Variants in SPATS2 observed in about 807,000 individuals in gnomAD.
SPATS2 encodes the protein spermatogenesis associated serine rich 2, also known as spermatogenesis-associated serine-rich protein 2.
In SPATS2, 38 loss-of-function variants were observed where a neutral mutation model predicts 63.7. That is an observed-to-expected ratio of 0.60 (90% CI 0.46 to 0.78). The LOEUF is 0.78. Among genes scored for constraint, SPATS2 ranks in the 30% least tolerant of loss-of-function variants. The probability of loss-of-function intolerance (pLI) is 0.00; values close to 1 mark genes in which losing one functional copy is unlikely to be tolerated. For synonymous variants in SPATS2, 207 were observed against 232.9 expected, an observed-to-expected ratio of 0.89 and a Z score of 1.01; for missense variants, 588 against 666.2, an observed-to-expected ratio of 0.88 and a Z score of 1.29.
intron 2 of SPATS2, among the ~76,000 whole-genome samples, chr12:49,417,973 C>T (rs763369371): frequency 1.3e-5 from 2 of 152,144 alleles, no homozygotes; most frequent in East Asian, 1.9e-4. Context: ...CTCCACCTCC[C>T]GGCTTATGCC....
intron 9 of SPATS2, 100 bp downstream of exon 9, chr12:49,500,305 A>G: frequency 7.8e-7 from 1 of 1,289,342 alleles, no homozygotes; most frequent in Non-Finnish European, 1.1e-6. Flanking sequence ...ATGACTAACT[A>G]CATAGTAGGA....
chr12:49,487,174 C>T (rs142526422), intron 4 of SPATS2, among the ~76,000 whole-genome samples: 357 of 152,180 alleles, frequency 2.3e-3, no homozygotes, highest in South Asian at 0.012. Flanking sequence ...TAAACCCACA[C>T]AGTAAGAATA....
rs1945809218 is a variant in SPATS2 at position 49,460,834 on chromosome 12, G to A, written c.-179G>A. The A allele has an allele frequency of 1.6e-6, 1 of 639,174 alleles. No individual in the cohort carries two copies. Among genetic ancestry groups the A allele is most frequent in the Non-Finnish European group, 2.8e-6 (1 of 353,916 alleles). The allele number at this position is 639,174 out of a possible 1,614,324, so 39.6% of individuals were successfully genotyped here. ...ACTTCCTGACAAGAAGTTGATACAAGAAAAGGAAAGGAGATTAACAGCTAG... is the reference window on the plus strand; with the variant it reads ...ACTTCCTGACAAGAAGTTGATACAAAAAAAGGAAAGGAGATTAACAGCTAG... On this transcript the variant is annotated 5_prime_UTR_variant, in exon 3 of 14. Coordinates refer to ENST00000552918, the MANE Select transcript of SPATS2 (RefSeq NM_023071.4).
chr12:49,517,519 A>C (rs1037507515), intron 10 of SPATS2, among the ~76,000 whole-genome samples: 2 of 152,200 alleles, frequency 1.3e-5, no homozygotes, highest in African/African-American at 4.8e-5. Context: ...GCCTAAATAA[A>C]TGTGAGTGTC....
At chr12:49,435,638 C>CTTTT (rs34420984) in intron 2 of SPATS2, among the ~76,000 whole-genome samples, 1 of 96,026 alleles carries the variant, frequency 1.0e-5, no homozygotes, top group African/African-American at 3.3e-5. Context: ...TGAATGGTTT[C>CTTTT]TTTTTTTTTT....
intron 3 of SPATS2, among the ~76,000 whole-genome samples, chr12:49,483,294 C>G (rs1946236949): frequency 6.6e-6 from 1 of 151,446 alleles, no homozygotes; most frequent in Non-Finnish European, 1.5e-5. Flanking sequence ...TCATTAATAC[C>G]TCTTTGGGGG....
At chr12:49,494,218 C>A (rs2137902595) in intron 6 of SPATS2, among the ~76,000 whole-genome samples, 1 of 152,224 alleles carries the variant, frequency 6.6e-6, no homozygotes, top group South Asian at 2.1e-4. Flanking sequence ...ATGGCTGTTT[C>A]TCTATACCCT....
In SPATS2 at chr12:49,439,292, G is replaced by C. The variant is rs78001637; in HGVS notation, c.-243-21478G>C. Reference sequence around the variant, plus strand: ...GTTACCAGTTCCAGGGGCCAGGTCAGGTAGGGCTTGCTGGTCATGGGGAGC... The same window carrying C: ...GTTACCAGTTCCAGGGGCCAGGTCACGTAGGGCTTGCTGGTCATGGGGAGC... On this transcript the variant is annotated intron_variant, in intron 2 of 13. Transcript: ENST00000552918. Among the ~76,000 whole-genome samples the C allele has an allele frequency of 4.8e-3, 732 of 152,272 alleles. 1 individual carries two copies. Among genetic ancestry groups the C allele is most frequent in the Non-Finnish European group, 8.2e-3 (555 of 67,998 alleles).
intron 2 of SPATS2, among the ~76,000 whole-genome samples, chr12:49,409,455 A>G (rs1944756816): frequency 6.8e-6 from 1 of 146,916 alleles, no homozygotes; most frequent in African/African-American, 2.5e-5. Context: ...ACAGGTGCCC[A>G]CCACCATGCC....
At chr12:49,440,349 C>G (rs1031566069) in intron 2 of SPATS2, among the ~76,000 whole-genome samples, 8 of 152,188 alleles carry the variant, frequency 5.3e-5, no homozygotes, top group African/African-American at 1.9e-4. Context: ...ATGTCCCTTA[C>G]AGCAGCCTCT....
chr12:49,436,563 C>T (rs1236101344), intron 2 of SPATS2, among the ~76,000 whole-genome samples: 2 of 117,536 alleles, frequency 1.7e-5, no homozygotes, highest in Non-Finnish European at 3.9e-5. Flanking sequence ...GGGGGCTGAC[C>T]TCCCCACCTC....
At chr12:49,389,829 C>T (rs1044762587) in intron 2 of SPATS2, 6 of 910,350 alleles carry the variant, frequency 6.6e-6, no homozygotes, top group Admixed American at 1.7e-5. Flanking sequence ...GAGCAAGTAT[C>T]GAGAACAAAT....
At chr12:49,461,316 T>C in intron 3 of SPATS2, 1 of 347,900 alleles carries the variant, frequency 2.9e-6, no homozygotes, top group Non-Finnish European at 5.2e-6. Flanking sequence ...TTAAGAGGGC[T>C]AGCTTGCTGC....
chr12:49,370,960 C>A (rs778553870), intron 1 of SPATS2, among the ~76,000 whole-genome samples: 2 of 152,208 alleles, frequency 1.3e-5, no homozygotes, highest in Non-Finnish European at 2.9e-5. Context: ...GCAATCCACC[C>A]GCCTTGGCCT....
chr12:49,462,473 G>T (rs1945838894), intron 3 of SPATS2: 1 of 701,198 alleles, frequency 1.4e-6, no homozygotes, highest in East Asian at 2.7e-5. Context: ...CGGCTTAAGT[G>T]TTAACAGCTC....
chr12:49,455,822 A>C (rs1281262521), intron 2 of SPATS2, among the ~76,000 whole-genome samples: 1 of 152,094 alleles, frequency 6.6e-6, no homozygotes, highest in African/African-American at 2.4e-5. Context: ...CAGTCTTGCT[A>C]TGTTGGCCCA....
intron 6 of SPATS2, among the ~76,000 whole-genome samples, chr12:49,494,019 A>G (rs1430619211): frequency 6.6e-6 from 1 of 152,208 alleles, no homozygotes; most frequent in Admixed American, 6.5e-5. Flanking sequence ...TGTGCTGTTA[A>G]TAGTGATACT....
rs181693533 is a variant in SPATS2, at chr12:49,463,655, G to T, written c.25+2618G>T. The T allele has an allele frequency of 9.2e-5, 14 of 152,184 alleles. No individual in the cohort carries two copies. In the South Asian group the frequency reaches 2.7e-3, roughly 29 times the overall value. The allele number at this position is 152,184 out of a possible 1,614,324, so 9.4% of individuals were successfully genotyped here. ...TACGTTTAAAGTGTCATTGCTTTGGGTTTTAGTAGTCTAATCTGTAAATAC... is the reference window on the plus strand; with the variant it reads ...TACGTTTAAAGTGTCATTGCTTTGGTTTTTAGTAGTCTAATCTGTAAATAC... On this transcript the variant is annotated intron_variant, in intron 3 of 13. Transcript: ENST00000552918.
In SPATS2 at chr12:49,380,896, TC is replaced by T. The variant is rs200543605; in HGVS notation, c.-244+9608del. On this transcript the variant is annotated intron_variant, in intron 2 of 13. Coordinates refer to ENST00000552918, the MANE Select transcript of SPATS2 (RefSeq NM_023071.4). ...TATAGTAATTCTTTTTTTTTTTTTT[TC>T]CTCAAAAGCTGGTGTCATAGTGTAC... is the stretch of plus-strand genomic sequence containing the variant. Among the ~76,000 whole-genome samples, 572 of 151,476 alleles carry T rather than the reference TC, an allele frequency of 3.8e-3. 2 individuals are homozygous for T. Among genetic ancestry groups the T allele is most frequent in the Non-Finnish European group, 6.5e-3 (440 of 67,878 alleles).
Sources: gnomAD v4.1 joint callset for allele counts (sites outside exome capture counted in the v4.1 genomes callset) on GRCh38, gnomAD v4.1.1 for gene constraint, MANE v1.5 for transcripts, NCBI Gene and HGNC (gene_info 2026-07-23, HGNC 2026-07-21) for gene names.